XKR3: variants seen among roughly 807,000 people sequenced by gnomAD.
The protein encoded by XKR3 is XK related 3.
XKR3 carries 27 observed loss-of-function variants against 40.3 expected under a neutral mutation model. That is an observed-to-expected ratio of 0.67 (90% CI 0.49 to 0.92). The LOEUF (loss-of-function observed/expected upper bound fraction) is 0.92. Ranked by LOEUF, XKR3 falls within the 40% of genes least tolerant of loss-of-function variation. The pLI, the probability that XKR3 is intolerant of heterozygous loss-of-function variation, is 0.00. For synonymous variants in XKR3, 193 were observed against 195.4 expected (o/e 0.99, Z 0.10); for missense variants, 472 against 537.6 (o/e 0.88, Z 1.21).
intron 1 of XKR3, among the ~76,000 whole-genome samples, chr22:16,822,685 G>A (rs1222573365): frequency 6.6e-6 from 1 of 152,056 alleles, no homozygotes; most frequent in Non-Finnish European, 1.5e-5. Flanking sequence ...AGACAAAGTA[G>A]AGCAAAAAAA....
At chr22:16,799,060 A>T (rs1275971568) in intron 3 of XKR3, among the ~76,000 whole-genome samples, 1 of 152,214 alleles carries the variant, frequency 6.6e-6, no homozygotes, top group African/African-American at 2.4e-5. Context: ...GGTGACTTTT[A>T]TACAATTTTA....
chr22:16,784,346 G>C lies in XKR3; in HGVS notation c.653C>G (p.Ala218Gly). 1.2e-6 allele frequency: 2 copies of C among 1,613,934 alleles called. No homozygotes were observed. The highest frequency in any genetic ancestry group is 1.7e-6 in the Non-Finnish European group (2 of 1,179,964). The change falls in exon 4 of 4, where the codon GCC (alanine) becomes GGC (glycine). Residue 218 changes from alanine to glycine, a missense_variant. Ala to Gly is a moderately conservative substitution (Grantham distance 60). Transcript: ENST00000684488. ...TYGAIRCNIL[A>G]IQISNDDTTI... ...AGTATCATCATTGCTGATCTGGATG[G>C]CCAGTATATTGCAGCGAATGGCCCC... is the stretch of plus-strand genomic sequence containing the variant.
intron 1 of XKR3, among the ~76,000 whole-genome samples, chr22:16,809,711 A>T (rs964843565): frequency 5.3e-5 from 8 of 152,202 alleles, no homozygotes; most frequent in African/African-American, 1.9e-4. Flanking sequence ...CACCAAAAGT[A>T]CTATATTTAA....
chr22:16,821,624 C>T (rs1718098476), intron 1 of XKR3: 1 of 151,760 alleles, frequency 6.6e-6, no homozygotes, highest in South Asian at 2.1e-4. Flanking sequence ...TTTCTCGCTT[C>T]CTTGATGCTA....
At chr22:16,811,278 G>A (rs1167103114) in intron 1 of XKR3, among the ~76,000 whole-genome samples, 4 of 151,770 alleles carry the variant, frequency 2.6e-5, no homozygotes, top group South Asian at 2.1e-4. Context: ...CCCACCACCC[G>A]ACCTGACTAC....
intron 1 of XKR3, among the ~76,000 whole-genome samples, chr22:16,809,439 T>C (rs1196738184): frequency 5.9e-5 from 9 of 152,206 alleles, no homozygotes; most frequent in African/African-American, 1.4e-4. Flanking sequence ...CTGTCTCTCA[T>C]GGTGCTGAAC....
intron 3 of XKR3, among the ~76,000 whole-genome samples, chr22:16,787,718 C>T (rs5994018): frequency 2.0e-5 from 3 of 151,826 alleles, no homozygotes; most frequent in African/African-American, 7.3e-5. Flanking sequence ...CAAATAATAT[C>T]GCCATGGCTT....
intron 2 of XKR3, among the ~76,000 whole-genome samples, chr22:16,804,448 G>C (rs1337504746): frequency 6.6e-6 from 1 of 152,046 alleles, no homozygotes; most frequent in Admixed American, 6.6e-5. Context: ...CTACAAAGCT[G>C]TCCTATGTGG....
chr22:16,790,537 A>G (rs2060110989), intron 3 of XKR3, among the ~76,000 whole-genome samples: 1 of 152,118 alleles, frequency 6.6e-6, no homozygotes, highest in East Asian at 1.9e-4. Flanking sequence ...AACAACACGC[A>G]CTGTGGCCCA....
chr22:16,800,529 A>T (rs1367229221), intron 2 of XKR3, among the ~76,000 whole-genome samples: 1 of 152,194 alleles, frequency 6.6e-6, no homozygotes, highest in African/African-American at 2.4e-5. Flanking sequence ...ATTTTGACTT[A>T]TGATTTTTCT....
intron 3 of XKR3, among the ~76,000 whole-genome samples, chr22:16,787,457 G>A (rs1407604103): frequency 1.3e-5 from 2 of 152,000 alleles, no homozygotes; most frequent in African/African-American, 4.8e-5. Flanking sequence ...CCACTCAAGA[G>A]GCTGAGGCAG....
At chr22:16,823,341 A>G (rs895660218) in intron 1 of XKR3, among the ~76,000 whole-genome samples, 12 of 152,228 alleles carry the variant, frequency 7.9e-5, no homozygotes, top group African/African-American at 2.9e-4. Flanking sequence ...AAGTTTGGAA[A>G]GGTGTTCCTA....
chr22:16,807,804 T>G lies in XKR3; in HGVS notation c.270A>C (p.Lys90Asn), dbSNP rs1187126389. Residue 90 changes from lysine (K) to asparagine (N), a missense_variant, in exon 2 of 4, where the codon AAA (lysine) becomes AAC (asparagine). Transcript: ENST00000684488. ...LDQIILMFFNKDLRRNKAALL... is the reference protein window; with the variant it reads ...LDQIILMFFNNDLRRNKAALL... ...ATGCAGCCTTATTTCTCCTCAAGTC[T>G]TTGTTGAAAAACATCAGGATAATTT... 6.2e-7 allele frequency: 1 copy of G among 1,613,672 alleles called. No individual in the cohort carries two copies. The highest frequency in any genetic ancestry group is 1.3e-5 in the African/African-American group (1 of 74,900).
chr22:16,821,538 T>C (rs2060255800), intron 1 of XKR3: 3 of 152,066 alleles, frequency 2.0e-5, no homozygotes. Context: ...TTTTTTTTCA[T>C]TTGTTGAACA....
At position 16,786,281 on chromosome 22, in the gene XKR3, C is replaced by A. The variant is rs1290759845; in HGVS notation, c.590-1872G>T. ...GCACACACACACACACACAAATACA[C>A]AAATTTAGCCAGGCATGGTGGCACA... On this transcript the variant is annotated intron_variant, in intron 3 of 3. Coordinates refer to ENST00000684488, the MANE Select transcript of XKR3 (RefSeq NM_001386955.1). 2.6e-5 allele frequency among the ~76,000 whole-genome samples: 4 copies of A among 152,084 alleles called. No homozygotes were observed. In the East Asian group the frequency reaches 7.7e-4, roughly 29 times the overall value.
At chr22:16,820,985 C>A (rs2060253418) in intron 1 of XKR3, among the ~76,000 whole-genome samples, 1 of 152,022 alleles carries the variant, frequency 6.6e-6, no homozygotes, top group African/African-American at 2.4e-5. Context: ...TATTATCATC[C>A]ATAAAACAAT....
chr22:16,784,464 C>T (rs2060081614), intron 3 of XKR3, 55 bp from the exon 4 acceptor site: 1 of 1,465,172 alleles, frequency 6.8e-7, no homozygotes, highest in African/African-American at 1.4e-5. Context: ...GTAATGACCA[C>T]TTTCTTTTTT....
intron 3 of XKR3, among the ~76,000 whole-genome samples, chr22:16,794,322 A>G (rs2060132111): frequency 6.6e-6 from 1 of 152,148 alleles, no homozygotes; most frequent in Non-Finnish European, 1.5e-5. Context: ...ACGAAAATAT[A>G]AATGCAGCTA....
At chr22:16,814,100 C>T (rs1036062237) in intron 1 of XKR3, among the ~76,000 whole-genome samples, 22 of 152,226 alleles carry the variant, frequency 1.4e-4, no homozygotes, top group African/African-American at 4.1e-4. Flanking sequence ...ATTGAAGAAA[C>T]GTTTGCGTAA....
Sources: allele counts gnomAD v4.1 joint callset (sites outside exome capture counted in the v4.1 genomes callset), GRCh38; gene constraint gnomAD v4.1.1; transcripts MANE v1.5; gene names NCBI Gene and HGNC (gene_info 2026-07-23, HGNC 2026-07-21).